The following DNAH5 variants were observed in gnomAD, a reference collection of about 807,000 sequenced individuals.
The protein encoded by DNAH5 is dynein axonemal heavy chain 5, also known as axonemal beta dynein heavy chain 5.
DNAH5 carries 372 observed loss-of-function variants against 518.2 expected under a neutral mutation model. That is an observed-to-expected ratio of 0.72 (90% CI 0.66 to 0.78). The LOEUF (loss-of-function observed/expected upper bound fraction) is 0.78, where lower values mean the gene tolerates loss of function less well. DNAH5 is among the 30% of genes least tolerant of loss of function. DNAH5 has a pLI of 0.00. For missense variants in DNAH5, 5,523 were observed against 5,687.0 expected (o/e 0.97, Z 0.93); for synonymous variants, 2,039 against 2,025.9 (o/e 1.01, Z -0.17).
chr5:13,971,539 T>A (rs2152057356), intron 1 of DNAH5, among the ~76,000 whole-genome samples: 1 of 152,264 alleles, frequency 6.6e-6, no homozygotes, highest in South Asian at 2.1e-4. Flanking sequence ...GTGATTGTTA[T>A]TTCTCTTCTG....
chr5:13,892,110 T>C (rs1284383545), intron 16 of DNAH5, among the ~76,000 whole-genome samples: 19 of 29,324 alleles, frequency 6.5e-4, no homozygotes, highest in Non-Finnish European at 3.0e-4. Context: ...AAGTTTTCTA[T>C]TTTTTCTAAG....
intron 47 of DNAH5, among the ~76,000 whole-genome samples, chr5:13,805,125 C>A (rs1324703087): frequency 6.6e-6 from 1 of 152,074 alleles, no homozygotes; most frequent in East Asian, 1.9e-4. Flanking sequence ...CATCACCAGC[C>A]ATGTGATGAG....
intron 31 of DNAH5, 107 bp from the exon 32 acceptor site, chr5:13,845,100 C>G (rs1765791099): frequency 9.1e-7 from 1 of 1,093,946 alleles, no homozygotes; most frequent in Non-Finnish European, 1.3e-6. Flanking sequence ...TGACTTGTGA[C>G]AATCTGATTT....
rs201570017 is a variant in DNAH5, at chr5:13,701,269, A to G, written c.13491+15T>C. 10 of 1,613,928 alleles carry G rather than the reference A, an allele frequency of 6.2e-6. No individual in the cohort carries two copies. The highest frequency in any genetic ancestry group is 1.6e-4 in the Middle Eastern group (1 of 6,084). Reference sequence around the variant, plus strand: ...AAATTATAATAACGCAACGGGTGCAAATCAGAGCTCTTACCTGTCGCATTG... The same window carrying G: ...AAATTATAATAACGCAACGGGTGCAGATCAGAGCTCTTACCTGTCGCATTG... On this transcript the variant is annotated intron_variant, in intron 77 of 78. Coordinates refer to ENST00000265104, the MANE Select transcript of DNAH5 (RefSeq NM_001369.3).
intron 76 of DNAH5, among the ~76,000 whole-genome samples, chr5:13,702,179 T>C (rs1742206819): frequency 6.6e-6 from 1 of 152,102 alleles, no homozygotes; most frequent in Non-Finnish European, 1.5e-5. Context: ...GTGTAAGGTA[T>C]CTTCAAATCA....
chr5:13,969,772 G>A (rs534972961), intron 1 of DNAH5, among the ~76,000 whole-genome samples: 4 of 152,268 alleles, frequency 2.6e-5, no homozygotes, highest in African/African-American at 9.6e-5. Flanking sequence ...TGAATAGAAT[G>A]TATAATCTGT....
At chr5:13,809,348 G>A (rs1414949936) in intron 45 of DNAH5, among the ~76,000 whole-genome samples, 162 bp from the exon 46 acceptor site, 1 of 152,140 alleles carries the variant, frequency 6.6e-6, no homozygotes, top group Admixed American at 6.5e-5. Context: ...TGTGTTAGCT[G>A]AGTCAAAACG....
At position 13,810,081 on chromosome 5, in the gene DNAH5, G is replaced by T; in HGVS notation, c.7587C>A (p.Phe2529Leu). 1 of 1,552,776 alleles carries T rather than the reference G, an allele frequency of 6.4e-7. No homozygotes were observed. The highest frequency in any genetic ancestry group is 8.7e-7 in the Non-Finnish European group (1 of 1,148,526). ...CACCATCGGGCGCCACATAGTAGTC[G>T]AAGGCGGTGTCCCCGGGCCCCGCTG... ...PPPAGPGDTAFDYYVAPDGTW... is the reference protein window; with the variant it reads ...PPPAGPGDTALDYYVAPDGTW... Residue 2529 changes from phenylalanine to leucine, a missense_variant, in exon 45 of 79, where the codon TTC becomes TTA. By Grantham distance (22) the Phe-to-Leu change is conservative. Transcript: ENST00000265104.
intron 61 of DNAH5, among the ~76,000 whole-genome samples, chr5:13,754,785 A>G (rs1750752037): frequency 6.6e-6 from 1 of 151,756 alleles, no homozygotes; most frequent in Non-Finnish European, 1.5e-5. Context: ...TGATCCGCCA[A>G]CCTAAGCCTC....
exon 1 of DNAH5, among the ~76,000 whole-genome samples, chr5:14,011,756 C>T (rs989560610): frequency 1.2e-4 from 18 of 152,184 alleles, no homozygotes; most frequent in African/African-American, 3.1e-4. Context: ...GTCTGCTCTC[C>T]GGAGTCCGCT....
chr5:13,785,656 T>A (rs534126128), intron 52 of DNAH5, among the ~76,000 whole-genome samples: 1 of 152,342 alleles, frequency 6.6e-6, no homozygotes, highest in Admixed American at 6.5e-5. Context: ...TGTACCCATT[T>A]AACACTAACT....
Position 13,839,496 on chromosome 5 carries a change from A to G in DNAH5, c.5742T>C (p.Phe1914=). The change falls in exon 35 of 79, where the codon TTT becomes TTC. Residue 1914 remains phenylalanine, a synonymous_variant. Transcript: ENST00000265104. ...AAAATCTGCACTGTTTCAGCCACTC[A>G]AAGTCCATGGGACTCTTGATATGCA... ...CHMHIKSPMD[F]EWLKQCRFYF... The G allele has an allele frequency of 2.5e-6, 4 of 1,614,082 alleles. No homozygotes were observed. The highest frequency in any genetic ancestry group is 1.3e-5 in the African/African-American group (1 of 75,066).
At chr5:13,988,727 C>CTTTTTTTTT (rs528130556) in intron 1 of DNAH5, among the ~76,000 whole-genome samples, 32,560 of 125,338 alleles carry the variant, frequency 0.26, 5,404 homozygotes, top group East Asian at 0.6. Context: ...CAGCCCAAAT[C>CTTTTTTTTT]TTTTTTTTTT....
intron 75 of DNAH5, among the ~76,000 whole-genome samples, chr5:13,709,151 A>G (rs1179580271): frequency 6.6e-6 from 1 of 152,222 alleles, no homozygotes; most frequent in Non-Finnish European, 1.5e-5. Flanking sequence ...CCTTAAGTTC[A>G]GTCTGTAGTA....
chr5:13,964,768 G>A (rs565164503), intron 1 of DNAH5, among the ~76,000 whole-genome samples: 3 of 152,242 alleles, frequency 2.0e-5, no homozygotes, highest in Non-Finnish European at 4.4e-5. Context: ...GCCAACGTGT[G>A]TTTAAAGATA....
intron 31 of DNAH5, among the ~76,000 whole-genome samples, chr5:13,849,551 A>G (rs1288970765): frequency 6.6e-6 from 1 of 152,206 alleles, no homozygotes; most frequent in African/African-American, 2.4e-5. Context: ...AACCTATCAT[A>G]TGCCACCCTT....
At chr5:13,925,823 C>T (rs1231316982) in intron 3 of DNAH5, among the ~76,000 whole-genome samples, 1 of 152,094 alleles carries the variant, frequency 6.6e-6, no homozygotes, top group Non-Finnish European at 1.5e-5. Context: ...ATAAAGTGTT[C>T]CTACTTTTAC....
At chr5:13,966,327 G>T (rs770206481) in intron 1 of DNAH5, among the ~76,000 whole-genome samples, 1 of 152,166 alleles carries the variant, frequency 6.6e-6, no homozygotes, top group Non-Finnish European at 1.5e-5. Flanking sequence ...AAACATCTGT[G>T]TGCAAGTATC....
chr5:13,691,746 A>G lies in DNAH5; in HGVS notation c.*238T>C. 1.9e-6 allele frequency: 1 copy of G among 526,730 alleles called. No individual in the cohort carries two copies. The highest frequency in any genetic ancestry group is 3.4e-6 in the Non-Finnish European group (1 of 294,748). 32.6% of individuals were successfully genotyped at this position (526,730 alleles called of 1,614,324 possible). A position where few individuals can be genotyped will look rare whatever the true frequency, so the allele number is the denominator to read the frequency against. On this transcript the variant is annotated 3_prime_UTR_variant, in exon 79 of 79. Coordinates refer to ENST00000265104, the MANE Select transcript of DNAH5 (RefSeq NM_001369.3). ...GATTTGAGGGCCACACTTCATTAGG[A>G]TGCTGTAAATTTACTTTTATATCAC... is the stretch of plus-strand genomic sequence containing the variant.
Sources: gnomAD v4.1 joint callset for allele counts (sites outside exome capture counted in the v4.1 genomes callset) on GRCh38, gnomAD v4.1.1 for gene constraint, MANE v1.5 for transcripts, NCBI Gene and HGNC (gene_info 2026-07-23, HGNC 2026-07-21) for gene names.